Variants in AGAP1 observed in about 807,000 individuals in gnomAD.
The protein encoded by AGAP1 is arf-GAP with GTPase, ANK repeat and PH domain-containing protein 1.
Under a neutral mutation model 105.3 loss-of-function variants are expected in AGAP1, and 29 were observed. That is an observed-to-expected ratio of 0.28 (90% CI 0.21 to 0.38). The LOEUF is 0.38. Among genes scored for constraint, AGAP1 ranks in the 10% least tolerant of loss-of-function variants. The pLI is 1.00. For missense variants in AGAP1, 998 were observed against 1,165.1 expected (o/e 0.86, Z 2.09); for synonymous variants, 509 against 485.9 (o/e 1.05, Z -0.63).
In AGAP1 at chr2:235,992,484, C is replaced by T. The variant is rs1324926463; in HGVS notation, c.1645+23861C>T. On this transcript the variant is annotated intron_variant, in intron 13 of 17. Coordinates refer to ENST00000304032, the MANE Select transcript of AGAP1 (RefSeq NM_001037131.3). This position sits in a 1 kb window ranked among gnomAD's most constrained non-coding sequence, Gnocchi z 4.8. ...TGCCACCCATTCCTTTCTGAGGATT[C>T]AGTTCTTATAGACTACAGTATTACT... Among the ~76,000 whole-genome samples the T allele has an allele frequency of 6.6e-6, 1 of 152,192 alleles. No homozygotes were observed. The highest frequency in any genetic ancestry group is 1.5e-5 in the Non-Finnish European group (1 of 68,032).
intron 3 of AGAP1, among the ~76,000 whole-genome samples, 172 bp downstream of exon 3, chr2:235,717,816 C>A (rs1951194964): frequency 6.6e-6 from 1 of 152,140 alleles, no homozygotes; most frequent in African/African-American, 2.4e-5. Flanking sequence ...TTTAGCAAAC[C>A]CGTTATATTC....
chr2:236,085,665 T>C (rs1325845074), intron 16 of AGAP1, among the ~76,000 whole-genome samples: 1 of 152,182 alleles, frequency 6.6e-6, no homozygotes, highest in East Asian at 1.9e-4. Flanking sequence ...AATGCAGGCC[T>C]AAAGAGGACT....
intron 1 of AGAP1, among the ~76,000 whole-genome samples, chr2:235,565,685 A>G (rs111716564): frequency 2.0e-5 from 3 of 152,286 alleles, no homozygotes; most frequent in African/African-American, 7.2e-5. Context: ...TTTTTGAGAC[A>G]GGGTCGGCTC....
intron 10 of AGAP1, among the ~76,000 whole-genome samples, chr2:235,885,872 C>A (rs2050251495): frequency 6.6e-6 from 1 of 152,206 alleles, no homozygotes; most frequent in Admixed American, 6.5e-5. Flanking sequence ...CATAGATATT[C>A]TTTATTGCAG....
intron 6 of AGAP1, among the ~76,000 whole-genome samples, chr2:235,764,377 G>C (rs1430386069): frequency 6.6e-6 from 1 of 152,134 alleles, no homozygotes; most frequent in Non-Finnish European, 1.5e-5. Context: ...CGTTGCCCAT[G>C]TTTATTCCTT....
At chr2:235,495,268 G>A (rs1941266106) in intron 1 of AGAP1, among the ~76,000 whole-genome samples, 2 of 151,686 alleles carry the variant, frequency 1.3e-5, no homozygotes, top group Admixed American at 1.3e-4. Flanking sequence ...AAGTGCTGCC[G>A]CTGGGGGCGA....
rs1249167599 is a variant in AGAP1 at position 236,062,216 on chromosome 2, C to T, written c.2114+12935C>T. 6.6e-6 allele frequency among the ~76,000 whole-genome samples: 1 copy of T among 152,180 alleles called. No individual in the cohort carries two copies. Among genetic ancestry groups the T allele is most frequent in the Non-Finnish European group, 1.5e-5 (1 of 68,028 alleles). ...TCCCTGGGAGAGATCAGGCACTTGA[C>T]AAGCCCTGCCTCTTGGAATCCGCAC... On this transcript the variant is annotated intron_variant, in intron 16 of 17. Coordinates refer to ENST00000304032, the MANE Select transcript of AGAP1 (RefSeq NM_001037131.3). This position sits in a 1 kb window ranked among gnomAD's most constrained non-coding sequence, Gnocchi z 4.2.
At position 236,093,897 on chromosome 2, in the gene AGAP1, G is replaced by A. The variant is rs1041682725; in HGVS notation, c.2115-26295G>A. Among the ~76,000 whole-genome samples, 12 of 152,208 alleles carry A rather than the reference G, an allele frequency of 7.9e-5. No individual in the cohort carries two copies. In the South Asian group the frequency reaches 1.7e-3, roughly 21 times the overall value. On this transcript the variant is annotated intron_variant, in intron 16 of 17. Coordinates refer to ENST00000304032, the MANE Select transcript of AGAP1 (RefSeq NM_001037131.3). ...GTATTTTTTGACATTTTTAAAGGGG[G>A]TTTCTCTGAGAAACATATAAAAACA...
At chr2:235,998,694 TAGC>T (rs1353147925) in intron 13 of AGAP1, among the ~76,000 whole-genome samples, 2 of 148,072 alleles carry the variant, frequency 1.4e-5, no homozygotes, top group Admixed American at 1.3e-4. Flanking sequence ...GTGGTGGTGG[TAGC>T]AGTGATGATG....
rs898784474 is a variant in AGAP1, at chr2:235,970,755, A to G, written c.1645+2132A>G. 2.0e-5 allele frequency among the ~76,000 whole-genome samples: 3 copies of G among 152,216 alleles called. No homozygotes were observed. The highest frequency in any genetic ancestry group is 4.4e-5 in the Non-Finnish European group (3 of 68,038). Reference sequence around the variant, plus strand: ...TTTGATGGAGCAGCTGGCACCACCCAGTGTTCCATTCAGCACCGGTGAGTT... The same window carrying G: ...TTTGATGGAGCAGCTGGCACCACCCGGTGTTCCATTCAGCACCGGTGAGTT... On this transcript the variant is annotated intron_variant, in intron 13 of 17. Transcript: ENST00000304032. The surrounding 1 kb of genome is among the most constrained non-coding windows in gnomAD (Gnocchi z 5.4).
rs1338942085 is a variant in AGAP1 at position 235,582,110 on chromosome 2, T to C, written c.163+87261T>C. 6.6e-6 allele frequency among the ~76,000 whole-genome samples: 1 copy of C among 152,178 alleles called. No homozygotes were observed. Among genetic ancestry groups the C allele is most frequent in the Non-Finnish European group, 1.5e-5 (1 of 68,026 alleles). On this transcript the variant is annotated intron_variant, in intron 1 of 17. Coordinates refer to ENST00000304032, the MANE Select transcript of AGAP1 (RefSeq NM_001037131.3). The surrounding 1 kb of genome is among the most constrained non-coding windows in gnomAD (Gnocchi z 4.7). ...AGCAGGCAGGAGTTGATAGTGATGC[T>C]ATGGGGCTGTCTGCTCTATACGAGG...
Position 236,022,186 on chromosome 2 carries a change from T to C in AGAP1, c.1646-14375T>C, listed in dbSNP as rs143249789. On this transcript the variant is annotated intron_variant, in intron 13 of 17. Transcript: ENST00000304032. ...AGCTCTTTATAATGTGTTTGAAAAATAAAAATGTCCTTTGTATGTCATGAG... is the reference window on the plus strand; with the variant it reads ...AGCTCTTTATAATGTGTTTGAAAAACAAAAATGTCCTTTGTATGTCATGAG... 5.8e-3 allele frequency among the ~76,000 whole-genome samples: 880 copies of C among 151,388 alleles called. 5 individuals are homozygous for C. The highest frequency in any genetic ancestry group is 0.02 in the African/African-American group (831 of 41,240).
rs1232179659 is a variant in AGAP1 at position 235,959,203 on chromosome 2, A to G, written c.1484-9259A>G. ...TCTGTCCCGGTGCCCGGTAATTGATACAAAATAAAATGCATTCTTTGTATG... is the reference window on the plus strand; with the variant it reads ...TCTGTCCCGGTGCCCGGTAATTGATGCAAAATAAAATGCATTCTTTGTATG... On this transcript the variant is annotated intron_variant, in intron 12 of 17. Transcript: ENST00000304032. The surrounding 1 kb of genome is among the most constrained non-coding windows in gnomAD (Gnocchi z 7.3). Among the ~76,000 whole-genome samples, 2 of 152,206 alleles carry G rather than the reference A, an allele frequency of 1.3e-5. No individual in the cohort carries two copies. The highest frequency in any genetic ancestry group is 6.5e-5 in the Admixed American group (1 of 15,290).
chr2:235,644,072 G>A (rs1947291498), intron 1 of AGAP1, among the ~76,000 whole-genome samples: 1 of 152,198 alleles, frequency 6.6e-6, no homozygotes, highest in Admixed American at 6.5e-5. Context: ...TTGCAAAGCA[G>A]CCTTCACGTT....
At chr2:235,510,006 C>T (rs1025684955) in intron 1 of AGAP1, among the ~76,000 whole-genome samples, 6 of 152,058 alleles carry the variant, frequency 3.9e-5, no homozygotes, top group East Asian at 1.9e-4. Context: ...CTAGATTTGG[C>T]GCTCCTTATG....
chr2:235,800,368 T>TG (rs1184889779), intron 8 of AGAP1, among the ~76,000 whole-genome samples: 1 of 151,976 alleles, frequency 6.6e-6, no homozygotes, highest in East Asian at 1.9e-4. Flanking sequence ...CCTGAAGTGC[T>TG]GGGATTACAG....
rs1453146520 is a variant in AGAP1, at chr2:235,919,598, A to T, written c.1324+10692A>T. ...GAAGTAGTAGTGAATACTTCTCAGG[A>T]TAGAGCTGTGGGGCCACCTGCTCCT... On this transcript the variant is annotated intron_variant, in intron 11 of 17. Transcript: ENST00000304032. This position sits in a 1 kb window ranked among gnomAD's most constrained non-coding sequence, Gnocchi z 4.1. Among the ~76,000 whole-genome samples, 1 of 152,182 alleles carries T rather than the reference A, an allele frequency of 6.6e-6. No homozygotes were observed. The highest frequency in any genetic ancestry group is 2.1e-4 in the South Asian group (1 of 4,830).
rs765800555 is a variant in AGAP1, at chr2:235,843,108, C to G, written c.1050+35777C>G. On this transcript the variant is annotated intron_variant, in intron 9 of 17. Transcript: ENST00000304032. This position sits in a 1 kb window ranked among gnomAD's most constrained non-coding sequence, Gnocchi z 5.9. ...CTCATTGTCCTGTTGCCACCCTTGTCGGTTTTTCACCCTGCAGCCCTTTGA... is the reference window on the plus strand; with the variant it reads ...CTCATTGTCCTGTTGCCACCCTTGTGGGTTTTTCACCCTGCAGCCCTTTGA... Among the ~76,000 whole-genome samples the G allele has an allele frequency of 2.0e-5, 3 of 152,210 alleles. No homozygotes were observed. Among genetic ancestry groups the G allele is most frequent in the Non-Finnish European group, 4.4e-5 (3 of 68,050 alleles).
In AGAP1 at chr2:235,797,822, T is replaced by C; in HGVS notation, c.737T>C (p.Leu246Pro). Residue 246 changes from leucine (L) to proline (P), a missense_variant, in exon 7 of 18, where the codon CTA becomes CCA. By Grantham distance (98) the Leu-to-Pro change is moderately conservative. Around this residue, in one of 3 missense-constraint regions of AGAP1, gnomAD observed 735 missense variants for 833.4 expected, o/e 0.88. Coordinates refer to ENST00000304032, the MANE Select transcript of AGAP1 (RefSeq NM_001037131.3). ...CTGTCCATAGGACCCTGCAAGTCGCTACCTAATTCTCCCAGCCATTCCTCC... is the reference window on the plus strand; with the variant it reads ...CTGTCCATAGGACCCTGCAAGTCGCCACCTAATTCTCCCAGCCATTCCTCC... ...QQLSIGPCKS[L>P]PNSPSHSSVC... 1.2e-6 allele frequency: 2 copies of C among 1,614,218 alleles called. No homozygotes were observed. Among genetic ancestry groups the C allele is most frequent in the Non-Finnish European group, 1.7e-6 (2 of 1,180,040 alleles).
Sources: gnomAD v4.1 joint callset for allele counts (sites outside exome capture counted in the v4.1 genomes callset) on GRCh38, gnomAD v4.1.1 for gene constraint, gnomAD v4.1.1 regional missense constraint, Gnocchi (gnomAD v3.1) non-coding constraint, MANE v1.5 for transcripts, NCBI Gene and HGNC (gene_info 2026-07-23, HGNC 2026-07-21) for gene names.